PCCA: variants seen among roughly 807,000 people sequenced by gnomAD.
PCCA encodes the protein propionyl-CoA carboxylase alpha chain, mitochondrial.
Under a neutral mutation model 101.3 loss-of-function variants are expected in PCCA, and 74 were observed. That is an observed-to-expected ratio of 0.73 (90% confidence interval 0.61 to 0.89). The LOEUF (loss-of-function observed/expected upper bound fraction) is 0.89. PCCA is among the 40% of genes least tolerant of loss of function. PCCA has a pLI of 0.00. For missense variants in PCCA, 891 were observed against 907.0 expected, an observed-to-expected ratio of 0.98 and a Z score of 0.23; for synonymous variants, 294 against 313.6, an observed-to-expected ratio of 0.94 and a Z score of 0.66.
At chr13:100,293,409 T>C (rs1381025852) in intron 12 of PCCA, among the ~76,000 whole-genome samples, 2 of 152,202 alleles carry the variant, frequency 1.3e-5, no homozygotes, top group Non-Finnish European at 2.9e-5. Flanking sequence ...AAATTAAGAA[T>C]TATTGCAACC....
intron 16 of PCCA, among the ~76,000 whole-genome samples, chr13:100,323,326 T>TG (rs1462953857): frequency 2.0e-5 from 3 of 151,626 alleles, no homozygotes; most frequent in African/African-American, 4.8e-5. Flanking sequence ...TCTTTTTTTT[T>TG]TTGTTGTTTT....
chr13:100,181,849 T>C (rs1414547626), intron 6 of PCCA, among the ~76,000 whole-genome samples: 2 of 149,536 alleles, frequency 1.3e-5, no homozygotes, highest in Non-Finnish European at 3.0e-5. Flanking sequence ...TACTGCAACC[T>C]CTGCCTCTGT....
chr13:100,527,841 C>A (rs537482897), intron 23 of PCCA, 89 bp downstream of exon 23: 102 of 960,442 alleles, frequency 1.1e-4, no homozygotes, highest in Non-Finnish European at 1.3e-4. Context: ...CTGGAAAGGG[C>A]CACAGAGGCG....
intron 4 of PCCA, among the ~76,000 whole-genome samples, chr13:100,113,164 A>G (rs1594152862): frequency 6.6e-6 from 1 of 152,228 alleles, no homozygotes; most frequent in East Asian, 1.9e-4. Flanking sequence ...AGCCTAGTAC[A>G]CACCTATATA....
intron 8 of PCCA, among the ~76,000 whole-genome samples, chr13:100,252,019 G>A (rs1355798382): frequency 6.6e-6 from 1 of 152,138 alleles, no homozygotes; most frequent in Non-Finnish European, 1.5e-5. Context: ...CAAAAGGCAA[G>A]TGAACTACTT....
At chr13:100,510,582 T>G (rs1281667122) in intron 21 of PCCA, among the ~76,000 whole-genome samples, 1 of 152,240 alleles carries the variant, frequency 6.6e-6, no homozygotes, top group Non-Finnish European at 1.5e-5. Context: ...TTAGCATGAC[T>G]CTGTGAAGCA....
chr13:100,223,183 A>G (rs2059923772), intron 7 of PCCA, among the ~76,000 whole-genome samples: 1 of 150,812 alleles, frequency 6.6e-6, no homozygotes, highest in Non-Finnish European at 1.5e-5. Flanking sequence ...AAATCAATGA[A>G]TAACATGCCA....
Position 100,515,575 on chromosome 13 carries a change from C to G in PCCA, c.2040+8C>G. 1 of 1,613,046 alleles carries G rather than the reference C, an allele frequency of 6.2e-7. No individual in the cohort carries two copies. The highest frequency in any genetic ancestry group is 8.5e-7 in the Non-Finnish European group (1 of 1,179,890). ...GTCAAGCCTGGAGACGCGGTAAGGG[C>G]TGTGTGTGTCTCTCTGCAGGACATG... is the stretch of plus-strand genomic sequence containing the variant. On this transcript the variant is annotated splice_region_variant and intron_variant, in intron 22 of 23. Transcript: ENST00000376285.
In PCCA at chr13:100,391,763, A is replaced by G. The variant is rs1221044985; in HGVS notation, c.1746+23189A>G. Among the ~76,000 whole-genome samples the G allele has an allele frequency of 4.6e-5, 7 of 151,870 alleles. No individual in the cohort carries two copies. In the South Asian group the frequency reaches 1.3e-3, roughly 27 times the overall value. ...GATCAACACGTTTTTCAAAAGTCTA[A>G]ATTGTGTTCAAATTGGTGTCTTGTG... On this transcript the variant is annotated intron_variant, in intron 19 of 23. Transcript: ENST00000376285.
chr13:100,174,896 A>T (rs2056096824), intron 6 of PCCA, among the ~76,000 whole-genome samples: 1 of 151,894 alleles, frequency 6.6e-6, no homozygotes, highest in Non-Finnish European at 1.5e-5. Context: ...ATCTTTATTC[A>T]TTTACCATAT....
rs368246146 is a variant in PCCA, at chr13:100,301,357, C to T, written c.1066-103C>T. The T allele has an allele frequency of 2.2e-4, 275 of 1,223,906 alleles. No individual in the cohort carries two copies. The African/African-American group carries it at 2.8e-3, about 13-fold the overall frequency. 75.8% of individuals were successfully genotyped at this position (1,223,906 alleles called of 1,614,324 possible). On this transcript the variant is annotated intron_variant, in intron 12 of 23. Transcript: ENST00000376285. ...GTCAAATATGTTCAAATGTTACATTCGATTAACTTCATTTTACCCAAAAAC... is the reference window on the plus strand; with the variant it reads ...GTCAAATATGTTCAAATGTTACATTTGATTAACTTCATTTTACCCAAAAAC...
At chr13:100,465,707 G>A (rs1277920972) in intron 21 of PCCA, among the ~76,000 whole-genome samples, 1 of 152,190 alleles carries the variant, frequency 6.6e-6, no homozygotes, top group Non-Finnish European at 1.5e-5. Context: ...GTCAGAACAT[G>A]TCTCCAGATA....
chr13:100,398,904 G>A (rs1303109632), intron 19 of PCCA, among the ~76,000 whole-genome samples: 3 of 152,044 alleles, frequency 2.0e-5, no homozygotes, highest in Admixed American at 2.0e-4. Context: ...ATAAAGTGAA[G>A]CATTTTGATT....
chr13:100,527,861 C>T (rs879397872), intron 23 of PCCA, 109 bp downstream of exon 23: 23 of 826,022 alleles, frequency 2.8e-5, no homozygotes. Context: ...GCCCTCTCCC[C>T]CTCGCTTCTA....
intron 8 of PCCA, among the ~76,000 whole-genome samples, chr13:100,240,707 T>C (rs1214643742): frequency 1.3e-5 from 2 of 152,212 alleles, no homozygotes; most frequent in Admixed American, 6.5e-5. Context: ...ACTATTAACC[T>C]TTTTCTAGAT....
chr13:100,386,660 C>T (rs1401135061), intron 19 of PCCA, among the ~76,000 whole-genome samples: 3 of 152,212 alleles, frequency 2.0e-5, no homozygotes, highest in Admixed American at 6.5e-5. Context: ...GGATTACAGG[C>T]GTGAGCCACC....
At chr13:100,137,872 C>T (rs9585358) in intron 4 of PCCA, among the ~76,000 whole-genome samples, 8,535 of 150,664 alleles carry the variant, frequency 0.057, 825 homozygotes, top group African/African-American at 0.2. Context: ...TGCAGTGGCG[C>T]GATTATGGCC....
intron 18 of PCCA, among the ~76,000 whole-genome samples, chr13:100,343,239 C>G (rs1202538282): frequency 6.6e-6 from 1 of 152,104 alleles, no homozygotes; most frequent in African/African-American, 2.4e-5. Flanking sequence ...AAAAAACGGG[C>G]AGTAGGTTTG....
intron 19 of PCCA, among the ~76,000 whole-genome samples, chr13:100,406,270 T>A (rs1471254909): frequency 2.6e-5 from 4 of 152,240 alleles, no homozygotes; most frequent in African/African-American, 2.4e-5. Flanking sequence ...ACTACACTGA[T>A]GCAAACAACT....
Sources: gnomAD v4.1 joint callset for allele counts (sites outside exome capture counted in the v4.1 genomes callset) on GRCh38, gnomAD v4.1.1 for gene constraint, MANE v1.5 for transcripts, NCBI Gene and HGNC (gene_info 2026-07-23, HGNC 2026-07-21) for gene names.